CARMIL1: variants seen among roughly 807,000 people sequenced by gnomAD.
The protein encoded by CARMIL1 is capping protein regulator and myosin 1 linker 1.
In CARMIL1, 90 loss-of-function variants were observed where a neutral mutation model predicts 177.1. That is an observed-to-expected ratio of 0.51 (90% confidence interval 0.43 to 0.61). CARMIL1 has a LOEUF of 0.61. Ranked by LOEUF, CARMIL1 falls within the 20% of genes least tolerant of loss-of-function variation. The pLI is 0.00. For missense variants in CARMIL1, 1,380 were observed against 1,667.0 expected (o/e 0.83, Z 3.00); for synonymous variants, 577 against 606.2 (o/e 0.95, Z 0.71).
chr6:25,505,747 C>T lies in CARMIL1; in HGVS notation c.1396-3909C>T, dbSNP rs1007364518. Among the ~76,000 whole-genome samples the T allele has an allele frequency of 3.3e-5, 5 of 152,198 alleles. 1 individual carries two copies. In the South Asian group the frequency reaches 1.0e-3, roughly 32 times the overall value. On this transcript the variant is annotated intron_variant, in intron 17 of 36. Coordinates refer to ENST00000329474, the MANE Select transcript of CARMIL1 (RefSeq NM_017640.6). Reference sequence around the variant, plus strand: ...GGATTACAGGTATGAGCTACTATGCCTGGCCATGTGCATTCTTGTATGTTT... The same window carrying T: ...GGATTACAGGTATGAGCTACTATGCTTGGCCATGTGCATTCTTGTATGTTT...
chr6:25,321,743 C>T (rs1218156690), intron 2 of CARMIL1, among the ~76,000 whole-genome samples: 1 of 152,032 alleles, frequency 6.6e-6, no homozygotes, highest in African/African-American at 2.4e-5. Context: ...ACTGCAACCT[C>T]CGCCTCCTGG....
rs185390487 is a variant in CARMIL1 at position 25,310,545 on chromosome 6, G to A, written c.138+25636G>A. 7.9e-4 allele frequency among the ~76,000 whole-genome samples: 120 copies of A among 152,280 alleles called. No homozygotes were observed. The East Asian group carries it at 0.021, about 26-fold the overall frequency. ...ATTTATTTTCAGTAGCTATATGAGC[G>A]CATCTAGCAAATTGTGACGTAAGAA... On this transcript the variant is annotated intron_variant, in intron 2 of 36. Coordinates refer to ENST00000329474, the MANE Select transcript of CARMIL1 (RefSeq NM_017640.6).
rs1251524152 is a variant in CARMIL1, at chr6:25,515,767, A to G, written c.1725A>G (p.Lys575=). The G allele has an allele frequency of 1.2e-6, 2 of 1,612,050 alleles. No individual in the cohort carries two copies. The highest frequency in any genetic ancestry group is 2.2e-5 in the East Asian group (1 of 44,832). Residue 575 remains lysine (K), a synonymous_variant, in exon 21 of 37, where the codon AAA becomes AAG. Transcript: ENST00000329474. This position sits in a 1 kb window ranked among gnomAD's most constrained non-coding sequence, Gnocchi z 5.0. The part of the protein sequence containing the change: ...NALGSNTSLT[K]VDISGNGMGD... ...TGGGAAGCAACACCTCCCTGACCAA[A>G]GTGGACATTAGCGGCAACGGAATGG...
intron 2 of CARMIL1, among the ~76,000 whole-genome samples, chr6:25,316,443 G>T (rs1282188414): frequency 1.3e-5 from 2 of 149,328 alleles, no homozygotes; most frequent in African/African-American, 5.0e-5. Flanking sequence ...TTTTTGAGAC[G>T]GAGTCCCACT....
At chr6:25,486,158 G>C (rs565494596) in intron 12 of CARMIL1, among the ~76,000 whole-genome samples, 1 of 152,278 alleles carries the variant, frequency 6.6e-6, no homozygotes, top group East Asian at 1.9e-4. Context: ...CCAGAATCGA[G>C]AAAGGCATGT....
At chr6:25,447,841 G>A (rs969354044) in intron 5 of CARMIL1, among the ~76,000 whole-genome samples, 1 of 151,924 alleles carries the variant, frequency 6.6e-6, no homozygotes, top group Admixed American at 6.6e-5. Context: ...CCCCCATCCT[G>A]CCTTCCTGTC....
intron 29 of CARMIL1, among the ~76,000 whole-genome samples, chr6:25,560,670 G>T (rs1227433253): frequency 6.6e-6 from 1 of 152,170 alleles, no homozygotes; most frequent in Non-Finnish European, 1.5e-5. Flanking sequence ...TGGTGCCAGA[G>T]TCTGCATTTA....
At chr6:25,288,697 A>T (rs1781713482) in intron 2 of CARMIL1, among the ~76,000 whole-genome samples, 1 of 152,166 alleles carries the variant, frequency 6.6e-6, no homozygotes, top group African/African-American at 2.4e-5. Flanking sequence ...TCTGAAGCCC[A>T]AGTATCTGCT....
chr6:25,539,000 T>C (rs1808616597), intron 25 of CARMIL1, among the ~76,000 whole-genome samples: 1 of 152,038 alleles, frequency 6.6e-6, no homozygotes, highest in South Asian at 2.1e-4. Flanking sequence ...GAGGGCTGTA[T>C]ACCTGCAGAA....
intron 17 of CARMIL1, among the ~76,000 whole-genome samples, chr6:25,508,469 G>A (rs1178208798): frequency 6.6e-6 from 1 of 152,134 alleles, no homozygotes; most frequent in Non-Finnish European, 1.5e-5. Context: ...GGCTGAGGTG[G>A]GAGGATCGTT....
At chr6:25,502,157 C>G (rs1189669040) in intron 17 of CARMIL1, among the ~76,000 whole-genome samples, 1 of 150,292 alleles carries the variant, frequency 6.7e-6, no homozygotes, top group Non-Finnish European at 1.5e-5. Flanking sequence ...CAGCACTTTA[C>G]TGAGGGGCAT....
In CARMIL1 at chr6:25,492,020, C is replaced by T. The variant is rs1160745125; in HGVS notation, c.1216C>T (p.His406Tyr). ...CAACCTCTCCAGAACTGTCTTCTCT[C>T]ACCGGTATAGATTTATTTCTGCTCT... is the stretch of plus-strand genomic sequence containing the variant. ...VLNLSRTVFS[H>Y]RKGKEVPPSF... The change falls in exon 15 of 37, where the codon CAC becomes TAC. Residue 406 changes from histidine to tyrosine, a missense_variant. Transcript: ENST00000329474. The T allele has an allele frequency of 6.2e-7, 1 of 1,612,788 alleles. No individual in the cohort carries two copies. Among genetic ancestry groups the T allele is most frequent in the Non-Finnish European group, 8.5e-7 (1 of 1,179,036 alleles).
chr6:25,385,440 A>G (rs1240855790), intron 2 of CARMIL1, among the ~76,000 whole-genome samples: 1 of 152,168 alleles, frequency 6.6e-6, no homozygotes, highest in Non-Finnish European at 1.5e-5. Context: ...GACTGGAGAC[A>G]GAGTAGATAA....
intron 2 of CARMIL1, among the ~76,000 whole-genome samples, chr6:25,356,203 T>G (rs940835986): frequency 3.3e-5 from 5 of 151,932 alleles, no homozygotes; most frequent in Non-Finnish European, 5.9e-5. Context: ...GACTACAGGC[T>G]CCCGCCACTG....
rs1785091579 is a variant in CARMIL1, at chr6:25,326,310, TG to T, written c.138+41403del. 6.6e-6 allele frequency among the ~76,000 whole-genome samples: 1 copy of T among 152,136 alleles called. No individual in the cohort carries two copies. Among genetic ancestry groups the T allele is most frequent in the South Asian group, 2.1e-4 (1 of 4,826 alleles). On this transcript the variant is annotated intron_variant, in intron 2 of 36. Transcript: ENST00000329474. The surrounding 1 kb of genome is among the most constrained non-coding windows in gnomAD (Gnocchi z 4.2). Reference sequence around the variant, plus strand: ...GCCCTGAGGAAGTGTGTGGTTTTAGTGGAGAGCTAAAGAACCATGAGGCAAG... The same window carrying T: ...GCCCTGAGGAAGTGTGTGGTTTTAGTGAGAGCTAAAGAACCATGAGGCAAG...
rs1407008094 is a variant in CARMIL1, at chr6:25,580,989, T to G, written c.2808T>G (p.Phe936Leu). 3.8e-6 allele frequency: 6 copies of G among 1,593,460 alleles called. No homozygotes were observed. The highest frequency in any genetic ancestry group is 5.1e-6 in the Non-Finnish European group (6 of 1,169,048). ...TGCTGCGGCCTGTTTCTAGGGCTTT[T>G]GGTAAGTGTTTTGCTGCTGCCAATC... ...SRMLRPVSRA[F>L]EMEFDLDKAL... The change falls in exon 30 of 37, where the codon TTT becomes TTG. Residue 936 changes from phenylalanine to leucine, a missense_variant and splice_region_variant. Coordinates refer to ENST00000329474, the MANE Select transcript of CARMIL1 (RefSeq NM_017640.6).
At chr6:25,590,874 G>A (rs539691512) in intron 31 of CARMIL1, among the ~76,000 whole-genome samples, 59 of 151,972 alleles carry the variant, frequency 3.9e-4, no homozygotes, top group African/African-American at 1.3e-3. Context: ...TTCTCTTAAT[G>A]TTGTCATCTC....
At chr6:25,418,930 G>A (rs1400625139) in intron 2 of CARMIL1, among the ~76,000 whole-genome samples, 1 of 152,100 alleles carries the variant, frequency 6.6e-6, no homozygotes, top group Non-Finnish European at 1.5e-5. Context: ...AAATAGTTCT[G>A]GCTTGAGTTA....
intron 1 of CARMIL1, among the ~76,000 whole-genome samples, chr6:25,283,078 G>A (rs1325995883): frequency 6.6e-6 from 1 of 152,212 alleles, no homozygotes; most frequent in Non-Finnish European, 1.5e-5. Context: ...GGACAATAGG[G>A]AAAGGGCATC....
Sources: allele counts gnomAD v4.1 joint callset (sites outside exome capture counted in the v4.1 genomes callset), GRCh38; gene constraint gnomAD v4.1.1; non-coding constraint Gnocchi (gnomAD v3.1); transcripts MANE v1.5; gene names NCBI Gene and HGNC (gene_info 2026-07-23, HGNC 2026-07-21).